The following MCTP1 variants were observed in gnomAD, a reference collection of about 807,000 sequenced individuals.
The protein encoded by MCTP1 is multiple C2 and transmembrane domain-containing protein 1.
A neutral mutation model predicts 120.6 loss-of-function variants in MCTP1; 69 were observed. That is an observed-to-expected ratio of 0.57 (90% CI 0.47 to 0.70). The LOEUF (loss-of-function observed/expected upper bound fraction) is 0.70. Ranked by LOEUF, MCTP1 falls within the 30% of genes least tolerant of loss-of-function variation. The probability of loss-of-function intolerance (pLI) is 0.00; values close to 1 mark genes in which losing one functional copy is unlikely to be tolerated. For synonymous variants in MCTP1, 529 were observed against 493.1 expected (o/e 1.07, Z -0.96); for missense variants, 1,203 against 1,248.8 (o/e 0.96, Z 0.55).
At chr5:94,864,878 GT>G (rs1796507882) in intron 17 of MCTP1, among the ~76,000 whole-genome samples, 1 of 151,780 alleles carries the variant, frequency 6.6e-6, no homozygotes, top group South Asian at 2.1e-4. Flanking sequence ...CTTCCCCCAT[GT>G]TGCACCCACT....
At position 94,911,825 on chromosome 5, in the gene MCTP1, C is replaced by T. The variant is rs141431267; in HGVS notation, c.1521+981G>A. ...TACTACTACTATAATTGATACTATA[C>T]GATATACTTCTTACTACTGTTGTTA... is the stretch of plus-strand genomic sequence containing the variant. On this transcript the variant is annotated intron_variant, in intron 9 of 22. Coordinates refer to ENST00000515393, the MANE Select transcript of MCTP1 (RefSeq NM_024717.7). Among the ~76,000 whole-genome samples, 703 of 152,144 alleles carry T rather than the reference C, an allele frequency of 4.6e-3. 6 individuals carry two copies. Among genetic ancestry groups the T allele is most frequent in the African/African-American group, 0.016 (676 of 41,500 alleles).
At position 94,825,998 on chromosome 5, in the gene MCTP1, G is replaced by T. The variant is rs1786977217; in HGVS notation, c.2437-26866C>A. On this transcript the variant is annotated intron_variant, in intron 17 of 22. Coordinates refer to ENST00000515393, the MANE Select transcript of MCTP1 (RefSeq NM_024717.7). ...TAAGCCTGTTGATCTGGTCCTCCCTGTTGCATCTCCACCTTCTACAAAATG... is the reference window on the plus strand; with the variant it reads ...TAAGCCTGTTGATCTGGTCCTCCCTTTTGCATCTCCACCTTCTACAAAATG... The T allele has an allele frequency of 9.8e-6, 3 of 305,506 alleles. No homozygotes were observed. The Admixed American group carries it at 1.0e-4, about 11-fold the overall frequency. 18.9% of individuals were successfully genotyped at this position (305,506 alleles called of 1,614,324 possible).
chr5:95,268,210 G>A (rs1409864401), intron 1 of MCTP1, among the ~76,000 whole-genome samples: 1 of 152,204 alleles, frequency 6.6e-6, no homozygotes, highest in African/African-American at 2.4e-5. Flanking sequence ...AGCAGGAACT[G>A]TCTTATTATC....
At chr5:95,136,239 C>G (rs766602328) in intron 1 of MCTP1, among the ~76,000 whole-genome samples, 4 of 152,202 alleles carry the variant, frequency 2.6e-5, no homozygotes, top group Non-Finnish European at 5.9e-5. Flanking sequence ...GAATCCTTCC[C>G]TAACACCCAC....
In MCTP1 at chr5:95,017,119, T is replaced by C. The variant is rs150414231; in HGVS notation, c.838+248A>G. ...TAATTACATATGATATAGAGTCTAA[T>C]TTGTCAGCAGTTTGATAGGGACTTT... On this transcript the variant is annotated intron_variant, in intron 2 of 22. Coordinates refer to ENST00000515393, the MANE Select transcript of MCTP1 (RefSeq NM_024717.7). Among the ~76,000 whole-genome samples the C allele has an allele frequency of 6.6e-5, 10 of 152,232 alleles. No individual in the cohort carries two copies. In the East Asian group the frequency reaches 1.9e-3, roughly 29 times the overall value.
chr5:94,773,025 A>C (rs1774433457), intron 19 of MCTP1, among the ~76,000 whole-genome samples: 2 of 152,210 alleles, frequency 1.3e-5, no homozygotes, highest in South Asian at 4.1e-4. Context: ...TTCTAGATGA[A>C]ATAGATAGTA....
chr5:95,072,211 T>C (rs1752377103), intron 1 of MCTP1, among the ~76,000 whole-genome samples: 1 of 152,070 alleles, frequency 6.6e-6, no homozygotes, highest in Admixed American at 6.6e-5. Flanking sequence ...TTTGACAAGC[T>C]GCTCCTGTAT....
intron 17 of MCTP1, among the ~76,000 whole-genome samples, chr5:94,816,792 G>C (rs1035480287): frequency 6.6e-6 from 1 of 151,926 alleles, no homozygotes; most frequent in Non-Finnish European, 1.5e-5. Flanking sequence ...AACAATTTTT[G>C]TAGCCTCTCT....
intron 17 of MCTP1, among the ~76,000 whole-genome samples, chr5:94,813,742 G>A (rs1340380686): frequency 6.6e-6 from 1 of 151,968 alleles, no homozygotes; most frequent in Non-Finnish European, 1.5e-5. Context: ...TTAAAAATTA[G>A]CTGGGAGGGG....
chr5:95,222,258 A>G (rs555781010), intron 1 of MCTP1, among the ~76,000 whole-genome samples: 29 of 152,326 alleles, frequency 1.9e-4, no homozygotes, highest in Admixed American at 1.5e-3. Context: ...GAACCTAGTC[A>G]CATGGCTATG....
At chr5:95,034,054 C>A (rs1028952855) in intron 1 of MCTP1, among the ~76,000 whole-genome samples, 4 of 151,970 alleles carry the variant, frequency 2.6e-5, no homozygotes, top group African/African-American at 9.7e-5. Flanking sequence ...TTACAAAACA[C>A]TGTTGAAAGA....
At position 95,127,945 on chromosome 5, in the gene MCTP1, C is replaced by T. The variant is rs142797727; in HGVS notation, c.721-110461G>A. 3.0e-3 allele frequency among the ~76,000 whole-genome samples: 453 copies of T among 152,208 alleles called. 1 individual carries two copies. The highest frequency in any genetic ancestry group is 0.01 in the African/African-American group (423 of 41,522). ...CAAGGCTGGAGAGCTGGGCAGCGAC[C>T]AGATGGTAGGTGTTCTTCTGCACCT... On this transcript the variant is annotated intron_variant, in intron 1 of 22. Transcript: ENST00000515393.
At chr5:94,783,546 A>G (rs1777021590) in intron 18 of MCTP1, among the ~76,000 whole-genome samples, 1 of 152,080 alleles carries the variant, frequency 6.6e-6, no homozygotes. Flanking sequence ...ATTCTCCCGG[A>G]ACAAAAATGT....
At position 94,878,784 on chromosome 5, in the gene MCTP1, C is replaced by T. The variant is rs115430453; in HGVS notation, c.1934-5543G>A. On this transcript the variant is annotated intron_variant, in intron 12 of 22. Coordinates refer to ENST00000515393, the MANE Select transcript of MCTP1 (RefSeq NM_024717.7). ...GAATGGAGGAGAAAGAGAATAAATACCGAACATGGTTACTAGATATATTGT... is the reference window on the plus strand; with the variant it reads ...GAATGGAGGAGAAAGAGAATAAATATCGAACATGGTTACTAGATATATTGT... Among the ~76,000 whole-genome samples the T allele has an allele frequency of 9.8e-4, 148 of 151,792 alleles. 1 individual carries two copies. Among genetic ancestry groups the T allele is most frequent in the Admixed American group, 3.0e-3 (45 of 15,200 alleles).
At chr5:95,121,001 A>G (rs6556860) in intron 1 of MCTP1, among the ~76,000 whole-genome samples, 152,284 of 152,284 alleles carry the variant, frequency 1, 76,142 homozygotes, top group Non-Finnish European at 1. Context: ...GGACATGGCC[A>G]GGCGCGGTGG....
chr5:95,105,605 C>T (rs1397883145), intron 1 of MCTP1, among the ~76,000 whole-genome samples: 2 of 152,028 alleles, frequency 1.3e-5, no homozygotes, highest in African/African-American at 2.4e-5. Context: ...TGTACCATCT[C>T]TATATTCCAG....
chr5:95,044,038 T>C (rs1430616757), intron 1 of MCTP1, among the ~76,000 whole-genome samples: 1 of 152,206 alleles, frequency 6.6e-6, no homozygotes, highest in Non-Finnish European at 1.5e-5. Flanking sequence ...AAAAGAAGAA[T>C]GTGGTGTAGG....
At chr5:95,027,270 G>A (rs987220905) in intron 1 of MCTP1, among the ~76,000 whole-genome samples, 4 of 152,198 alleles carry the variant, frequency 2.6e-5, no homozygotes, top group African/African-American at 7.2e-5. Flanking sequence ...AAAAGCTTAT[G>A]CTTGGTTCCA....
intron 1 of MCTP1, among the ~76,000 whole-genome samples, chr5:95,093,069 C>G (rs931525542): frequency 6.6e-6 from 1 of 152,142 alleles, no homozygotes; most frequent in African/African-American, 2.4e-5. Context: ...TAAGAAACAC[C>G]AATTTGGAGT....
Sources: allele counts gnomAD v4.1 joint callset (sites outside exome capture counted in the v4.1 genomes callset), GRCh38; gene constraint gnomAD v4.1.1; transcripts MANE v1.5; gene names NCBI Gene and HGNC (gene_info 2026-07-23, HGNC 2026-07-21).